TLCD4: variants seen among roughly 807,000 people sequenced by gnomAD.
TLCD4 encodes the protein TLC domain-containing protein 4.
In TLCD4, 7 loss-of-function variants were observed where a neutral mutation model predicts 24.2. The observed-to-expected ratio is 0.29, with a 90% CI of 0.16 to 0.54. TLCD4 has a LOEUF of 0.54. Ranked by LOEUF, TLCD4 falls within the 20% of genes least tolerant of loss-of-function variation. The pLI is 0.95. For synonymous variants in TLCD4, 103 were observed against 106.4 expected (o/e 0.97, Z 0.20); for missense variants, 259 against 313.9 (o/e 0.82, Z 1.32).
intron 1 of TLCD4, among the ~76,000 whole-genome samples, chr1:95,118,764 G>A (rs189974180): frequency 3.6e-4 from 55 of 152,254 alleles, no homozygotes; most frequent in African/African-American, 1.3e-3. Flanking sequence ...CTATATATGA[G>A]GAATTTTTAT....
chr1:95,143,126 A>T (rs1412096727), intron 1 of TLCD4, among the ~76,000 whole-genome samples: 5 of 152,286 alleles, frequency 3.3e-5, no homozygotes, highest in Non-Finnish European at 7.4e-5. Context: ...AAAGCAACCA[A>T]TCAGAGGTAC....
In TLCD4 at chr1:95,148,791, GGT is replaced by G; in HGVS notation, c.245+1_245+2del. ...GAGGCTACTAAAGCTGATCCACTTT[GGT>G]AAGCTGTTTCTTTTTCTAAGATTGC... On this transcript the variant is annotated splice_donor_variant, in intron 3 of 6. Coordinates refer to ENST00000370203, the MANE Select transcript of TLCD4 (RefSeq NM_152487.3). LOFTEE classifies it high-confidence loss of function. 1 of 1,610,188 alleles carries G rather than the reference GGT, an allele frequency of 6.2e-7. No individual in the cohort carries two copies. Among genetic ancestry groups the G allele is most frequent in the Non-Finnish European group, 8.5e-7 (1 of 1,178,788 alleles).
rs144227475 is a variant in TLCD4, at chr1:95,191,595, C to G, written c.519C>G (p.Ile173Met). The G allele has an allele frequency of 1.1e-5, 18 of 1,613,792 alleles. No individual in the cohort carries two copies. The highest frequency in any genetic ancestry group is 3.3e-5 in the Admixed American group (2 of 59,980). ...ALKYPKFSKAIVINGILMTVV... is the reference protein window; with the variant it reads ...ALKYPKFSKAMVINGILMTVV... The stretch of plus-strand genomic sequence containing the variant: ...AGTATCCCAAGTTTTCTAAAGCTAT[C>G]GTTATCAATGGAATACTCATGACAG... Residue 173 changes from isoleucine to methionine, a missense_variant, in exon 7 of 7, where the codon ATC becomes ATG. By Grantham distance (10) the Ile-to-Met change is conservative (BLOSUM62 1). Coordinates refer to ENST00000370203, the MANE Select transcript of TLCD4 (RefSeq NM_152487.3).
rs528227090 is a variant in TLCD4 at position 95,192,458 on chromosome 1, A to G, written c.*590A>G. On this transcript the variant is annotated 3_prime_UTR_variant, in exon 7 of 7. Coordinates refer to ENST00000370203, the MANE Select transcript of TLCD4 (RefSeq NM_152487.3). ...GGTGAATCTTTTGAGAAATCTCTTA[A>G]CTGCATTGGTATTTTTTCTCTGTGA... 2.0e-5 allele frequency: 3 copies of G among 152,352 alleles called. No homozygotes were observed. The highest frequency in any genetic ancestry group is 1.5e-5 in the Non-Finnish European group (1 of 68,054). The allele number at this position is 152,352 out of a possible 1,614,324, so 9.4% of individuals were successfully genotyped here. A position where few individuals can be genotyped will look rare whatever the true frequency, so the allele number is the denominator to read the frequency against.
chr1:95,148,954 T>C (rs919977985), intron 3 of TLCD4, among the ~76,000 whole-genome samples, 163 bp downstream of exon 3: 2 of 152,226 alleles, frequency 1.3e-5, no homozygotes, highest in Non-Finnish European at 2.9e-5. Flanking sequence ...AAATGATTTA[T>C]TTTAGATTTG....
chr1:95,103,564 A>G, the TLCD4 span, among the ~76,000 whole-genome samples: 3 of 152,348 alleles, frequency 2.0e-5, no homozygotes, highest in Admixed American at 1.3e-4. Context: ...TTCTTATAGA[A>G]TGATTGGGCT....
the TLCD4 span, among the ~76,000 whole-genome samples, chr1:95,095,685 C>T: frequency 6.6e-6 from 1 of 152,188 alleles, no homozygotes; most frequent in Admixed American, 6.5e-5. Flanking sequence ...GCGTGAGCCA[C>T]CGCGCCGGCA....
chr1:95,117,314 C>G (rs974367135), upstream of TLCD4: 1 of 152,284 alleles, frequency 6.6e-6, no homozygotes, highest in African/African-American at 2.4e-5. Context: ...GTCGGAGCCG[C>G]CCGGAGCGGG....
At chr1:95,130,793 T>A (rs1006127428) in intron 1 of TLCD4, among the ~76,000 whole-genome samples, 4 of 152,212 alleles carry the variant, frequency 2.6e-5, no homozygotes, top group African/African-American at 9.6e-5. Flanking sequence ...TTACAGGTTG[T>A]ACATGAAACT....
chr1:95,093,057 G>C, the TLCD4 span, among the ~76,000 whole-genome samples: 32 of 152,324 alleles, frequency 2.1e-4, no homozygotes, highest in African/African-American at 6.0e-4. Flanking sequence ...AGTTTTTGAA[G>C]AAATTCTATT....
At chr1:95,156,148 G>C (rs1052321685) in intron 5 of TLCD4, among the ~76,000 whole-genome samples, 3 of 151,618 alleles carry the variant, frequency 2.0e-5, no homozygotes, top group Non-Finnish European at 4.4e-5. Flanking sequence ...GTTTATATAA[G>C]TTTTACATAA....
intron 1 of TLCD4, among the ~76,000 whole-genome samples, chr1:95,138,814 G>C (rs34790705): frequency 0.071 from 10,712 of 151,462 alleles, 429 homozygotes; most frequent in Non-Finnish European, 0.089. Context: ...TGAATACATG[G>C]TGTAGACAGA....
At chr1:95,131,417 CAGTA>C (rs1676886921) in intron 1 of TLCD4, among the ~76,000 whole-genome samples, 1 of 152,128 alleles carries the variant, frequency 6.6e-6, no homozygotes. Flanking sequence ...AGCTGGAATG[CAGTA>C]AGTGAGGGCA....
At chr1:95,129,479 C>A (rs1676830286) in intron 1 of TLCD4, among the ~76,000 whole-genome samples, 1 of 152,166 alleles carries the variant, frequency 6.6e-6, no homozygotes, top group Non-Finnish European at 1.5e-5. Flanking sequence ...CGGTAGCTCA[C>A]GCCTGTAATT....
rs1029062070 is a variant in TLCD4, at chr1:95,117,491, G to C, written c.-138G>C. ...CCCTGGCTCCCGTGAGCATCTCACC[G>C]GGCGGCACTGGCCAGCGCCAGCCCT... On this transcript the variant is annotated 5_prime_UTR_variant, in exon 1 of 7. Transcript: ENST00000370203. 6.6e-6 allele frequency: 1 copy of C among 152,134 alleles called. No homozygotes were observed. Among genetic ancestry groups the C allele is most frequent in the Non-Finnish European group, 1.5e-5 (1 of 68,060 alleles). The allele number at this position is 152,134 out of a possible 1,614,324, so 9.4% of individuals were successfully genotyped here.
chr1:95,104,566 G>A, the TLCD4 span, among the ~76,000 whole-genome samples: 1 of 151,140 alleles, frequency 6.6e-6, no homozygotes, highest in Non-Finnish European at 1.5e-5. Flanking sequence ...TCGGGAGGCT[G>A]AGGCAGACGA....
chr1:95,123,720 G>A (rs1037026728), intron 1 of TLCD4, among the ~76,000 whole-genome samples: 9 of 152,158 alleles, frequency 5.9e-5, no homozygotes, highest in African/African-American at 2.2e-4. Flanking sequence ...TTATTATTTT[G>A]CAGCTTGCTT....
In TLCD4 at chr1:95,192,107, C is replaced by G. The variant is rs568018618; in HGVS notation, c.*239C>G. 3.8e-6 allele frequency: 3 copies of G among 783,168 alleles called. No individual in the cohort carries two copies. The highest frequency in any genetic ancestry group is 1.8e-5 in the African/African-American group (1 of 55,788). 48.5% of individuals were successfully genotyped at this position (783,168 alleles called of 1,614,324 possible). On this transcript the variant is annotated 3_prime_UTR_variant, in exon 7 of 7. Coordinates refer to ENST00000370203, the MANE Select transcript of TLCD4 (RefSeq NM_152487.3). ...GGTCAGGAGTTCGAGACTAGCTTGG[C>G]CAACATGGTGAAACCTCATCTCTAC...
chr1:95,145,749 G>C (rs1413638936), intron 2 of TLCD4, among the ~76,000 whole-genome samples: 1 of 152,108 alleles, frequency 6.6e-6, no homozygotes, highest in Non-Finnish European at 1.5e-5. Context: ...AAATAGGAAA[G>C]GGTACAGAGA....
Sources: allele counts gnomAD v4.1 joint callset (sites outside exome capture counted in the v4.1 genomes callset), GRCh38; gene constraint gnomAD v4.1.1; transcripts MANE v1.5; gene names NCBI Gene and HGNC (gene_info 2026-07-23, HGNC 2026-07-21).